The following CACNA1G variants were observed in gnomAD, a reference collection of about 807,000 sequenced individuals.
CACNA1G encodes calcium voltage-gated channel subunit alpha1 G, also known as voltage-dependent T-type calcium channel subunit alpha-1G.
Under a neutral mutation model 219.4 loss-of-function variants are expected in CACNA1G, and 67 were observed. The ratio of observed to expected loss-of-function variants is 0.31; its 90% CI spans 0.25 to 0.37. The LOEUF (loss-of-function observed/expected upper bound fraction) is 0.37, where lower values mean the gene tolerates loss of function less well. Ranked by LOEUF, CACNA1G falls within the 10% of genes least tolerant of loss-of-function variation. The pLI is 1.00. For missense variants in CACNA1G, 2,380 were observed against 3,231.4 expected, an observed-to-expected ratio of 0.74 and a Z score of 6.39; for synonymous variants, 1,296 against 1,345.3, an observed-to-expected ratio of 0.96 and a Z score of 0.80.
chr17:50,560,897 T>C lies in CACNA1G; in HGVS notation c.-563T>C, dbSNP rs970707654. 6.6e-6 allele frequency among the ~76,000 whole-genome samples: 1 copy of C among 151,182 alleles called. No homozygotes were observed. The highest frequency in any genetic ancestry group is 1.5e-5 in the Non-Finnish European group (1 of 67,648). The stretch of plus-strand genomic sequence containing the variant: ...CTGTCTCCCCGCCCCTCCCGGACAG[T>C]GAGCCCGCGGCGGGGCGGGGGAAGG... On this transcript the variant is annotated 5_prime_UTR_variant, in exon 1 of 38. Transcript: ENST00000359106.
chr17:50,626,110 C>CG lies in CACNA1G; in HGVS notation c.6496dup (p.Ala2166GlyfsTer99). 1 of 1,613,628 alleles carries CG rather than the reference C, an allele frequency of 6.2e-7. No homozygotes were observed. The highest frequency in any genetic ancestry group is 8.5e-7 in the Non-Finnish European group (1 of 1,179,846). The stretch of plus-strand genomic sequence containing the variant: ...GAGTGGGCCCTCCCCGCCCCTGGCC[C>CG]GGGCCTACTCTTTCTGGGGCCAGTC... On this transcript the variant is annotated frameshift_variant, in exon 38 of 38. Coordinates refer to ENST00000359106, the MANE Select transcript of CACNA1G (RefSeq NM_018896.5). LOFTEE classifies it high-confidence loss of function. This position sits in a 1 kb window ranked among gnomAD's most constrained non-coding sequence, Gnocchi z 4.3.
At chr17:50,577,257 C>T (rs1311437125) in intron 8 of CACNA1G, among the ~76,000 whole-genome samples, 1 of 152,048 alleles carries the variant, frequency 6.6e-6, no homozygotes, top group Admixed American at 6.6e-5. Flanking sequence ...TTACTGACTC[C>T]CTCCTGTGTG....
chr17:50,561,569 C>G lies in CACNA1G; in HGVS notation c.110C>G (p.Ala37Gly). The change falls in exon 1 of 38, where the codon GCA (alanine) becomes GGA (glycine). Residue 37 changes from alanine (A) to glycine (G), a missense_variant. Ala to Gly is a moderately conservative substitution (Grantham distance 60, BLOSUM62 0). This residue lies in a region of CACNA1G where 98 missense variants were observed against 85.5 expected (regional missense o/e 1.15). Transcript: ENST00000359106. ...GAGGRPGPGS[A>G]EKDPGSADSE... Reference sequence around the variant, plus strand: ...GGGGGCCGGCCGGGGCCGGGGTCAGCAGAAAAGGACCCGGGCAGCGCGGAC... The same window carrying G: ...GGGGGCCGGCCGGGGCCGGGGTCAGGAGAAAAGGACCCGGGCAGCGCGGAC... 6.4e-7 allele frequency: 1 copy of G among 1,552,132 alleles called. No individual in the cohort carries two copies. The highest frequency in any genetic ancestry group is 1.4e-5 in the African/African-American group (1 of 73,414).
Position 50,599,741 on chromosome 17 carries a change from G to T in CACNA1G, c.3572G>T (p.Gly1191Val), listed in dbSNP as rs1303847309. The T allele has an allele frequency of 6.2e-7, 1 of 1,613,680 alleles. No homozygotes were observed. Among genetic ancestry groups the T allele is most frequent in the East Asian group, 2.2e-5 (1 of 44,872 alleles). ...CTGCATCGCACTGCCAGTGGCCGAGGGTCTGCTTCTGAGCACCAGGACTGC... is the reference window on the plus strand; with the variant it reads ...CTGCATCGCACTGCCAGTGGCCGAGTGTCTGCTTCTGAGCACCAGGACTGC... ...PGLHRTASGR[G>V]SASEHQDCNG... is the part of the protein sequence containing the mutation. Residue 1191 changes from glycine to valine, a missense_variant, in exon 17 of 38, where the codon GGG becomes GTG. Physicochemically the swap from Gly to Val is moderately radical, Grantham distance 109. Transcript: ENST00000359106.
chr17:50,570,632 C>G (rs1751854823), intron 4 of CACNA1G, among the ~76,000 whole-genome samples: 1 of 145,018 alleles, frequency 6.9e-6, no homozygotes, highest in South Asian at 2.2e-4. Context: ...TTGAATGTGT[C>G]CTCTGGGGCT....
intron 1 of CACNA1G, 104 bp from the exon 2 acceptor site, chr17:50,568,766 C>A: frequency 1.2e-6 from 1 of 853,914 alleles, no homozygotes; most frequent in Non-Finnish European, 1.9e-6. Context: ...ACCTGCTTAG[C>A]CTCAGATGGA....
rs775992598 is a variant in CACNA1G, at chr17:50,616,258, G to T, written c.4912-17G>T. ...TGGGCCTTAAGGGACCCTGCATCTT[G>T]CCCCCATCCCTGCCAGATTCTGGAT... On this transcript the variant is annotated splice_polypyrimidine_tract_variant and intron_variant, in intron 27 of 37. Transcript: ENST00000359106. 4 of 1,526,904 alleles carry T rather than the reference G, an allele frequency of 2.6e-6. No homozygotes were observed. Among genetic ancestry groups the T allele is most frequent in the South Asian group, 2.2e-5 (2 of 89,326 alleles). The allele number at this position is 1,526,904 out of a possible 1,614,324, so 94.6% of individuals were successfully genotyped here. A position where few individuals can be genotyped will look rare whatever the true frequency, so the allele number is the denominator to read the frequency against.
rs775780381 is a variant in CACNA1G at position 50,561,212 on chromosome 17, G to A, written c.-248G>A. 1.6e-5 allele frequency: 9 copies of A among 553,334 alleles called. No homozygotes were observed. The South Asian group carries it at 1.8e-4, about 11-fold the overall frequency. 34.3% of individuals were successfully genotyped at this position (553,334 alleles called of 1,614,324 possible). ...GGGAGCCGGCCGGCTGGCCCGGGAA[G>A]CCCCAGGGGCGCAGGGGAAGCGGGA... On this transcript the variant is annotated 5_prime_UTR_variant, in exon 1 of 38. Coordinates refer to ENST00000359106, the MANE Select transcript of CACNA1G (RefSeq NM_018896.5).
At chr17:50,595,724 C>T (rs749113900) in intron 14 of CACNA1G, among the ~76,000 whole-genome samples, 5 of 152,244 alleles carry the variant, frequency 3.3e-5, no homozygotes, top group South Asian at 2.1e-4. Flanking sequence ...GAATTCGGGG[C>T]GAAGCCAGCA....
At chr17:50,563,041 C>A (rs1260999068) in intron 1 of CACNA1G, among the ~76,000 whole-genome samples, 1 of 152,158 alleles carries the variant, frequency 6.6e-6, no homozygotes, top group East Asian at 1.9e-4. Flanking sequence ...GGTGGGAGAC[C>A]CCAGGTCTCC....
rs2053869500 is a variant in CACNA1G, at chr17:50,626,637, C to A, written c.7020C>A (p.Ser2340=). Residue 2340 remains serine, a synonymous_variant, in exon 38 of 38, where the codon TCC becomes TCA. Transcript: ENST00000359106. The surrounding 1 kb of genome is among the most constrained non-coding windows in gnomAD (Gnocchi z 4.3). ...GGAGGAGGGCTCCGTCCAGCGACTC[C>A]AAGGATCCCTTGGCCTCTGGCCCCC... ...CLRRRAPSSD[S]KDPLASGPPD... 1 of 1,613,286 alleles carries A rather than the reference C, an allele frequency of 6.2e-7. No individual in the cohort carries two copies. Among genetic ancestry groups the A allele is most frequent in the Non-Finnish European group, 8.5e-7 (1 of 1,179,846 alleles).
At position 50,618,065 on chromosome 17, in the gene CACNA1G, T is replaced by C; in HGVS notation, c.5244T>C (p.Leu1748=). Residue 1748 remains leucine, a synonymous_variant, in exon 31 of 38, where the codon CTT becomes CTC. Transcript: ENST00000359106. The surrounding 1 kb of genome is among the most constrained non-coding windows in gnomAD (Gnocchi z 5.3). ...QALPQVGNLG[L]LFMLLFFIFA... is the part of the protein sequence containing the mutation. ...TTTTCCAGGTGGGGAACCTGGGACT[T>C]CTCTTCATGTTGTTGTTTTTCATCT... 1 of 1,613,872 alleles carries C rather than the reference T, an allele frequency of 6.2e-7. No homozygotes were observed. The highest frequency in any genetic ancestry group is 8.5e-7 in the Non-Finnish European group (1 of 1,179,860).
intron 22 of CACNA1G, 110 bp from the exon 23 acceptor site, chr17:50,605,788 C>A: frequency 1.7e-6 from 2 of 1,201,938 alleles, no homozygotes; most frequent in Non-Finnish European, 1.2e-6. Flanking sequence ...AGCAGAGCAC[C>A]CCACACTCAC....
chr17:50,623,886 C>G, intron 35 of CACNA1G, 21 bp from the exon 36 acceptor site: 1 of 1,597,110 alleles, frequency 6.3e-7, no homozygotes. Flanking sequence ...CCTCCACCTC[C>G]CTCCCCTGTT....
In CACNA1G at chr17:50,572,717, G is replaced by T. The variant is rs911624024; in HGVS notation, c.910G>T (p.Ala304Ser). The T allele has an allele frequency of 6.2e-7, 1 of 1,613,854 alleles. No homozygotes were observed. The highest frequency in any genetic ancestry group is 8.5e-7 in the Non-Finnish European group (1 of 1,179,830). ...CCCACCTTGCGGTCTGGACTATGAGGCCTACAACAGCTCCAGCAACACCAC... is the reference window on the plus strand; with the variant it reads ...CCCACCTTGCGGTCTGGACTATGAGTCCTACAACAGCTCCAGCAACACCAC... ...GGPPCGLDYE[A>S]YNSSSNTTCV... The change falls in exon 6 of 38, where the codon GCC becomes TCC. Residue 304 changes from alanine (A) to serine (S), a missense_variant. By Grantham distance (99) the Ala-to-Ser change is moderately conservative. Coordinates refer to ENST00000359106, the MANE Select transcript of CACNA1G (RefSeq NM_018896.5).
chr17:50,573,453 G>C lies in CACNA1G; in HGVS notation c.1140+340G>C, dbSNP rs112207430. On this transcript the variant is annotated intron_variant, in intron 7 of 37. Transcript: ENST00000359106. ...AGAGGGCATTTGGAAATGGGAAAGG[G>C]TGATTCTGGTTTTGATTTTTTTTAA... 1,577 of 220,658 alleles carry C rather than the reference G, an allele frequency of 7.1e-3. 4 individuals are homozygous for C. Among genetic ancestry groups the C allele is most frequent in the African/African-American group, 0.013 (588 of 44,040 alleles). 13.7% of individuals were successfully genotyped at this position (220,658 alleles called of 1,614,324 possible).
rs1283117699 is a variant in CACNA1G, at chr17:50,601,070, C to T, written c.3811C>T (p.Arg1271Trp). The change falls in exon 19 of 38, where the codon CGG becomes TGG. Residue 1271 changes from arginine to tryptophan, a missense_variant. Physicochemically the swap from Arg to Trp is moderately radical, Grantham distance 101 (BLOSUM62 -3). Transcript: ENST00000359106. The part of the protein sequence containing the change: ...PQSRFRLLCH[R>W]IITHKMFDHV... Reference sequence around the variant, plus strand: ...GGGCAGGTTCCGCCTCCTGTGTCACCGGATCATCACCCACAAGATGTTCGA... The same window carrying T: ...GGGCAGGTTCCGCCTCCTGTGTCACTGGATCATCACCCACAAGATGTTCGA... The T allele has an allele frequency of 1.9e-5, 31 of 1,613,680 alleles. No individual in the cohort carries two copies. The highest frequency in any genetic ancestry group is 2.5e-5 in the Non-Finnish European group (29 of 1,179,818).
intron 9 of CACNA1G, among the ~76,000 whole-genome samples, chr17:50,583,668 G>A (rs2412328): frequency 0.52 from 72,040 of 137,290 alleles, 20,354 homozygotes; most frequent in East Asian, 0.89. Flanking sequence ...GTGGGGGTGG[G>A]GGGAGGTGGG....
chr17:50,622,278 CT>C (rs1235960984), intron 35 of CACNA1G, among the ~76,000 whole-genome samples: 1 of 151,662 alleles, frequency 6.6e-6, no homozygotes, highest in Non-Finnish European at 1.5e-5. Flanking sequence ...ACTTGGAGCG[CT>C]GTTCCTGTCT....
Sources: allele counts gnomAD v4.1 joint callset (sites outside exome capture counted in the v4.1 genomes callset), GRCh38; gene constraint gnomAD v4.1.1; regional missense constraint gnomAD v4.1.1; non-coding constraint Gnocchi (gnomAD v3.1); transcripts MANE v1.5; gene names NCBI Gene and HGNC (gene_info 2026-07-23, HGNC 2026-07-21).